IFT74: variants seen among roughly 807,000 people sequenced by gnomAD.
The protein encoded by IFT74 is intraflagellar transport 74, also known as intraflagellar transport protein 74 homolog.
In IFT74, 92 loss-of-function variants were observed where a neutral mutation model predicts 96.7. The ratio of observed to expected loss-of-function variants is 0.95; its 90% CI spans 0.80 to 1.13. The LOEUF is 1.13. Among genes scored for constraint, IFT74 ranks in the 50% most tolerant of loss-of-function variants. IFT74 has a pLI of 0.00. For synonymous variants in IFT74, 223 were observed against 213.2 expected (o/e 1.05, Z -0.40); for missense variants, 811 against 698.2 (o/e 1.16, Z -1.82).
intron 1 of IFT74, among the ~76,000 whole-genome samples, chr9:26,957,522 AGATT>A (rs1489049428): frequency 6.6e-6 from 1 of 152,202 alleles, no homozygotes; most frequent in Non-Finnish European, 1.5e-5. Context: ...GGGGTCAGGA[AGATT>A]GATGTGAACA....
At chr9:27,026,632 C>A (rs1233280003) in intron 12 of IFT74, among the ~76,000 whole-genome samples, 1 of 151,984 alleles carries the variant, frequency 6.6e-6, no homozygotes, top group Non-Finnish European at 1.5e-5. Flanking sequence ...TATTCTCAGA[C>A]CACAGTGGAA....
At chr9:27,027,927 G>A (rs1829944908) in intron 12 of IFT74, among the ~76,000 whole-genome samples, 1 of 152,096 alleles carries the variant, frequency 6.6e-6, no homozygotes, top group Admixed American at 6.5e-5. Context: ...TCTTCTAAGA[G>A]TTTGGTAATT....
intron 6 of IFT74, among the ~76,000 whole-genome samples, chr9:26,986,960 A>C (rs2131546447): frequency 6.6e-6 from 1 of 152,310 alleles, no homozygotes; most frequent in African/African-American, 2.4e-5. Context: ...TACACAATTC[A>C]TCACAAACAT....
Position 27,043,130 on chromosome 9 carries a change from G to A in IFT74, c.1055-1612G>A, listed in dbSNP as rs77295054. The stretch of plus-strand genomic sequence containing the variant: ...AATCCATCTAGAGCCTTATCTGAGT[G>A]GATCCAGGGTTTCCTATTGGTGCTG... On this transcript the variant is annotated intron_variant, in intron 13 of 19. Coordinates refer to ENST00000380062, the MANE Select transcript of IFT74 (RefSeq NM_025103.4). 3.9e-3 allele frequency among the ~76,000 whole-genome samples: 592 copies of A among 152,262 alleles called. 4 individuals carry two copies. In the East Asian group the frequency reaches 0.041, roughly 10 times the overall value.
Position 26,961,976 on chromosome 9 carries a change from C to T in IFT74, c.9C>T (p.Ser3=), listed in dbSNP as rs759512612. MA[S]NHKSSAARPV... ...ATTAAAGTGAAGAAACAATGGCCAG[C>T]AATCACAAATCTTCAGCAGCTCGCC... is the stretch of plus-strand genomic sequence containing the variant. Residue 3 remains serine, a synonymous_variant, in exon 2 of 20, where the codon AGC becomes AGT. Coordinates refer to ENST00000380062, the MANE Select transcript of IFT74 (RefSeq NM_025103.4). 1.9e-6 allele frequency: 3 copies of T among 1,614,092 alleles called. No homozygotes were observed. The Admixed American group carries it at 5.0e-5, about 27-fold the overall frequency.
At chr9:26,969,962 G>C (rs1826813626) in intron 2 of IFT74, among the ~76,000 whole-genome samples, 1 of 151,334 alleles carries the variant, frequency 6.6e-6, no homozygotes, top group African/African-American at 2.4e-5. Flanking sequence ...TTTTTGTTTT[G>C]TTTTGTTTTT....
intron 13 of IFT74, 108 bp downstream of exon 13, chr9:27,029,212 A>G: frequency 1.4e-6 from 1 of 731,118 alleles, no homozygotes; most frequent in Non-Finnish European, 2.1e-6. Context: ...TTTATTATTT[A>G]ATTCTCTATG....
chr9:27,041,390 T>TG (rs1819471028), intron 13 of IFT74, among the ~76,000 whole-genome samples: 1 of 152,144 alleles, frequency 6.6e-6, no homozygotes, highest in Admixed American at 6.6e-5. Context: ...GAGAATAGGG[T>TG]GGAAACTGTC....
intron 8 of IFT74, among the ~76,000 whole-genome samples, chr9:27,007,275 G>A (rs1242645345): frequency 1.3e-5 from 2 of 152,178 alleles, no homozygotes; most frequent in African/African-American, 4.8e-5. Context: ...TTCTTATGCT[G>A]TAATTTCTCC....
At chr9:26,992,655 T>C (rs1827939226) in intron 8 of IFT74, among the ~76,000 whole-genome samples, 1 of 151,558 alleles carries the variant, frequency 6.6e-6, no homozygotes, top group African/African-American at 2.4e-5. Flanking sequence ...ATTGCGCCAC[T>C]ACACTCCAGC....
rs1462063215 is a variant in IFT74 at position 26,956,481 on chromosome 9, G to T, written c.-55G>T. ...CTCAGAAAGAAGTTAAGGCACCCGC[G>T]AGCCGGGCAACTGCCCTCCTTCCGC... On this transcript the variant is annotated 5_prime_UTR_variant, in exon 1 of 20. Coordinates refer to ENST00000380062, the MANE Select transcript of IFT74 (RefSeq NM_025103.4). The T allele has an allele frequency of 6.6e-6, 1 of 152,318 alleles. No homozygotes were observed. The highest frequency in any genetic ancestry group is 2.4e-5 in the African/African-American group (1 of 41,476). 9.4% of individuals were successfully genotyped at this position (152,318 alleles called of 1,614,324 possible).
chr9:27,028,913 T>A, intron 12 of IFT74, 112 bp from the exon 13 acceptor site: 1 of 904,682 alleles, frequency 1.1e-6, no homozygotes. Context: ...TAAGACATAT[T>A]ATTTTTAGAT....
rs1303148218 is a variant in IFT74, at chr9:27,062,803, C to T, written c.*67C>T. On this transcript the variant is annotated 3_prime_UTR_variant, in exon 20 of 20. Transcript: ENST00000380062. ...TGCTAAACTTGGTACAAGTTGACTA[C>T]CAAAAAAAAAAAAAGCTTACTTTTG... 1.1e-5 allele frequency: 9 copies of T among 794,676 alleles called. No homozygotes were observed. The East Asian group carries it at 1.5e-4, about 13-fold the overall frequency. The allele number at this position is 794,676 out of a possible 1,614,324, so 49.2% of individuals were successfully genotyped here.
In IFT74 at chr9:27,018,763, C is replaced by T. The variant is rs940383450; in HGVS notation, c.974+76C>T. The T allele has an allele frequency of 1.3e-5, 10 of 776,386 alleles. No homozygotes were observed. In the Admixed American group the frequency reaches 2.7e-4, roughly 21 times the overall value. The allele number at this position is 776,386 out of a possible 1,614,324, so 48.1% of individuals were successfully genotyped here. A position where few individuals can be genotyped will look rare whatever the true frequency, so the allele number is the denominator to read the frequency against. On this transcript the variant is annotated intron_variant, in intron 12 of 19. Transcript: ENST00000380062. ...TTACATTCTAAAGGTACAGGAGTGG[C>T]TTTCATTCTTTCAATTTTACTTATA...
intron 12 of IFT74, among the ~76,000 whole-genome samples, chr9:27,025,905 C>G (rs1212927612): frequency 1.3e-5 from 2 of 152,074 alleles, no homozygotes; most frequent in African/African-American, 4.8e-5. Flanking sequence ...CTCACAGGGC[C>G]TATAAAACAA....
chr9:27,063,464 A>T lies in IFT74; in HGVS notation c.*728A>T, dbSNP rs967717503. Among the ~76,000 whole-genome samples, 5 of 152,130 alleles carry T rather than the reference A, an allele frequency of 3.3e-5. No individual in the cohort carries two copies. Among genetic ancestry groups the T allele is most frequent in the African/African-American group, 9.6e-5 (4 of 41,456 alleles). On this transcript the variant is annotated 3_prime_UTR_variant, in exon 20 of 20. Transcript: ENST00000380062. ...ACTATTAGGAGAACTTAAGTAGATT[A>T]ATTTATAAACATTAGCCAGAATATT...
chr9:26,964,772 A>C (rs1275797459), intron 2 of IFT74, among the ~76,000 whole-genome samples: 1 of 152,214 alleles, frequency 6.6e-6, no homozygotes, highest in Non-Finnish European at 1.5e-5. Flanking sequence ...AATAAGAAAA[A>C]GTACAGTACT....
chr9:26,957,686 G>GAAGCAGTCC (rs1826175540), intron 1 of IFT74, among the ~76,000 whole-genome samples: 1 of 152,190 alleles, frequency 6.6e-6, no homozygotes, highest in African/African-American at 2.4e-5. Context: ...AGAAAGGATA[G>GAAGCAGTCC]AAGCAGTCCA....
chr9:27,062,694 TAAAACC>T lies in IFT74; in HGVS notation c.1763_1768del (p.Lys588_Thr589del). 1 of 1,607,928 alleles carries T rather than the reference TAAAACC, an allele frequency of 6.2e-7. No homozygotes were observed. On this transcript the variant is annotated inframe_deletion, in exon 20 of 20. Coordinates refer to ENST00000380062, the MANE Select transcript of IFT74 (RefSeq NM_025103.4). Reference sequence around the variant, plus strand: ...TGACCAAGCAGATTGCAGAGTACAATAAAACCATCGTGGATGCTTTACATAGCACCA... The same window carrying T: ...TGACCAAGCAGATTGCAGAGTACAATATCGTGGATGCTTTACATAGCACCA...
Sources: allele counts gnomAD v4.1 joint callset (sites outside exome capture counted in the v4.1 genomes callset), GRCh38; gene constraint gnomAD v4.1.1; transcripts MANE v1.5; gene names NCBI Gene and HGNC (gene_info 2026-07-23, HGNC 2026-07-21).